PGM1: variants seen among roughly 807,000 people sequenced by gnomAD.
PGM1 encodes the protein phosphoglucomutase-1.
Under a neutral mutation model 55.6 loss-of-function variants are expected in PGM1, and 52 were observed. The ratio of observed to expected loss-of-function variants is 0.94; its 90% CI spans 0.75 to 1.18. The LOEUF is 1.18. Among genes scored for constraint, PGM1 ranks in the 50% most tolerant of loss-of-function variants. The probability of loss-of-function intolerance (pLI) is 0.00; values close to 1 mark genes in which losing one functional copy is unlikely to be tolerated. For synonymous variants in PGM1, 287 were observed against 271.7 expected (o/e 1.06, Z -0.55); for missense variants, 724 against 729.3 (o/e 0.99, Z 0.08).
intron 1 of PGM1, among the ~76,000 whole-genome samples, chr1:63,613,665 T>A (rs559819378): frequency 8.8e-4 from 134 of 151,498 alleles, no homozygotes; most frequent in African/African-American, 3.1e-3. Context: ...CCAAATAAGG[T>A]CACATCCCCA....
At chr1:63,657,095 A>T (rs559864210) in intron 10 of PGM1, among the ~76,000 whole-genome samples, 1 of 152,356 alleles carries the variant, frequency 6.6e-6, no homozygotes, top group East Asian at 1.9e-4. Context: ...TATACCTTAA[A>T]CATAAACAAT....
chr1:63,654,586 A>G, intron 10 of PGM1, 120 bp downstream of exon 10: 2 of 904,992 alleles, frequency 2.2e-6, no homozygotes, highest in South Asian at 2.8e-5. Flanking sequence ...AGCTGTGCTT[A>G]CTTTCTTCCA....
At position 63,630,072 on chromosome 1, in the gene PGM1, G is replaced by A. The variant is rs148838450; in HGVS notation, c.540G>A (p.Lys180=). ...AGCAGCAGTTTGACTTGGAAAATAAGTTCAAACCCTTCACAGGCATGTTTA... is the reference window on the plus strand; with the variant it reads ...AGCAGCAGTTTGACTTGGAAAATAAATTCAAACCCTTCACAGGCATGTTTA... ...LGKQQFDLEN[K]FKPFTVEIVD... is the part of the protein sequence containing the mutation. Residue 180 remains lysine (K), a synonymous_variant, in exon 3 of 11, where the codon AAG becomes AAA. Transcript: ENST00000371084. 2.9e-5 allele frequency: 47 copies of A among 1,614,056 alleles called. No individual in the cohort carries two copies. The highest frequency in any genetic ancestry group is 3.7e-5 in the Non-Finnish European group (44 of 1,179,926).
chr1:63,603,463 C>T (rs960697732), intron 1 of PGM1, among the ~76,000 whole-genome samples: 4 of 152,226 alleles, frequency 2.6e-5, no homozygotes, highest in East Asian at 1.9e-4. Context: ...TCTGGAATCA[C>T]AATGTAAAAC....
intron 1 of PGM1, among the ~76,000 whole-genome samples, chr1:63,612,817 A>G (rs1354939345): frequency 6.6e-6 from 1 of 152,138 alleles, no homozygotes; most frequent in African/African-American, 2.4e-5. Flanking sequence ...TCTGTTGTAG[A>G]CACCTTGTGC....
At chr1:63,629,613 A>C (rs1209469774) in intron 2 of PGM1, 26 bp downstream of exon 2, 2 of 1,607,940 alleles carry the variant, frequency 1.2e-6, no homozygotes, top group Non-Finnish European at 8.5e-7. Flanking sequence ...TTTTGAGGAC[A>C]GGTAAGTTTA....
intron 1 of PGM1, among the ~76,000 whole-genome samples, chr1:63,621,684 A>C: frequency 6.6e-6 from 1 of 152,256 alleles, no homozygotes; most frequent in Non-Finnish European, 1.5e-5. Context: ...AAACAAATTA[A>C]GAGCCCAAAA....
In PGM1 at chr1:63,654,436, G is replaced by A; in HGVS notation, c.1569G>A (p.Lys523=). 6.2e-7 allele frequency: 1 copy of A among 1,614,090 alleles called. No homozygotes were observed. Residue 523 remains lysine, a synonymous_variant, in exon 10 of 11, where the codon AAG becomes AAA. Transcript: ENST00000371084. The stretch of plus-strand genomic sequence containing the variant: ...GGCTGTACATCGATAGCTATGAGAA[G>A]GACGTTGCCAAGATTAACCAGGACC... ...TIRLYIDSYE[K]DVAKINQDPQ... is the part of the protein sequence containing the mutation.
chr1:63,598,474 T>C (rs1371346999), intron 1 of PGM1, among the ~76,000 whole-genome samples: 2 of 152,180 alleles, frequency 1.3e-5, no homozygotes, highest in Non-Finnish European at 2.9e-5. Flanking sequence ...ATAAATGATG[T>C]TTTGAGACGT....
intron 1 of PGM1, among the ~76,000 whole-genome samples, chr1:63,621,434 T>C (rs1003331233): frequency 2.6e-5 from 4 of 152,230 alleles, no homozygotes; most frequent in African/African-American, 9.7e-5. Flanking sequence ...TGCTCTGTTA[T>C]TCCAATGAAA....
chr1:63,639,924 G>C (rs1449872028), intron 7 of PGM1, among the ~76,000 whole-genome samples: 3 of 152,198 alleles, frequency 2.0e-5, no homozygotes, highest in Non-Finnish European at 4.4e-5. Context: ...TGCCTTGATA[G>C]AATTGGAAGG....
chr1:63,635,144 G>A (rs1464067492), intron 5 of PGM1, 125 bp downstream of exon 5: 23 of 800,898 alleles, frequency 2.9e-5, no homozygotes, highest in Non-Finnish European at 4.4e-5. Context: ...ATTCTGACCC[G>A]AGGTCAGAAC....
chr1:63,636,220 C>G lies in PGM1; in HGVS notation c.874-14C>G. On this transcript the variant is annotated splice_polypyrimidine_tract_variant and intron_variant, in intron 5 of 10. Transcript: ENST00000371084. ...GATTAAAAGGTCTTTCTTTGATCCT[C>G]TCTTCTCCCCAAGGATCGAAACATG... The G allele has an allele frequency of 6.2e-7, 1 of 1,613,036 alleles. No individual in the cohort carries two copies. Among genetic ancestry groups the G allele is most frequent in the Non-Finnish European group, 8.5e-7 (1 of 1,178,956 alleles).
At chr1:63,634,748 C>A in intron 4 of PGM1, 81 bp from the exon 5 acceptor site, 1 of 1,174,598 alleles carries the variant, frequency 8.5e-7, no homozygotes, top group Admixed American at 1.7e-5. Flanking sequence ...CAGAATGCAT[C>A]CACCTCACCC....
intron 10 of PGM1, among the ~76,000 whole-genome samples, chr1:63,656,389 G>A (rs1222453640): frequency 6.6e-6 from 1 of 152,158 alleles, no homozygotes; most frequent in African/African-American, 2.4e-5. Flanking sequence ...TCCTCAAAAA[G>A]TTAAAAATAT....
intron 1 of PGM1, among the ~76,000 whole-genome samples, chr1:63,608,524 CTGGGA>C (rs1260838750): frequency 6.6e-6 from 1 of 152,184 alleles, no homozygotes; most frequent in Non-Finnish European, 1.5e-5. Flanking sequence ...GAAAATGGAT[CTGGGA>C]TGGTATAACT....
At chr1:63,629,612 CAG>C (rs1649138898) in intron 2 of PGM1, 25 bp downstream of exon 2, 2 of 1,608,258 alleles carry the variant, frequency 1.2e-6, no homozygotes, top group Non-Finnish European at 1.7e-6. Flanking sequence ...ATTTTGAGGA[CAG>C]GTAAGTTTAC....
chr1:63,632,232 A>G (rs1649215632), intron 4 of PGM1, among the ~76,000 whole-genome samples: 1 of 152,130 alleles, frequency 6.6e-6, no homozygotes, highest in African/African-American at 2.4e-5. Context: ...GATTAAATTC[A>G]GGAGCAACAT....
chr1:63,659,067 C>T (rs1650041575), intron 10 of PGM1, among the ~76,000 whole-genome samples: 1 of 152,208 alleles, frequency 6.6e-6, no homozygotes, highest in South Asian at 2.1e-4. Flanking sequence ...CCCACCGGGT[C>T]CCTCCCACAA....
Sources: allele counts gnomAD v4.1 joint callset (sites outside exome capture counted in the v4.1 genomes callset), GRCh38; gene constraint gnomAD v4.1.1; transcripts MANE v1.5; gene names NCBI Gene and HGNC (gene_info 2026-07-23, HGNC 2026-07-21).